Variants in SH3GL3 observed in about 807,000 individuals in gnomAD.
SH3GL3 encodes endophilin-A3.
In SH3GL3, 33 loss-of-function variants were observed where a neutral mutation model predicts 47.7. The observed-to-expected ratio is 0.69, with a 90% CI of 0.52 to 0.92. The LOEUF is 0.92. Among genes scored for constraint, SH3GL3 ranks in the 40% least tolerant of loss-of-function variants. The probability of loss-of-function intolerance (pLI) is 0.00; values close to 1 mark genes in which losing one functional copy is unlikely to be tolerated. For synonymous variants in SH3GL3, 155 were observed against 148.8 expected (o/e 1.04, Z -0.30); for missense variants, 363 against 417.8 (o/e 0.87, Z 1.14).
chr15:83,462,633 C>G (rs1478327312), intron 1 of SH3GL3, among the ~76,000 whole-genome samples: 3 of 152,214 alleles, frequency 2.0e-5, no homozygotes, highest in Non-Finnish European at 4.4e-5. Context: ...TTGTCATACT[C>G]CTGTTGTTTT....
At chr15:83,564,755 A>G (rs900481716) in intron 2 of SH3GL3, among the ~76,000 whole-genome samples, 1 of 152,218 alleles carries the variant, frequency 6.6e-6, no homozygotes, top group African/African-American at 2.4e-5. Flanking sequence ...TTATATAAGT[A>G]TAGAAATTCA....
intron 1 of SH3GL3, among the ~76,000 whole-genome samples, chr15:83,479,878 A>G (rs1363149014): frequency 1.3e-5 from 2 of 152,220 alleles, no homozygotes; most frequent in Non-Finnish European, 2.9e-5. Flanking sequence ...TAAAATGAAG[A>G]TAATAATAAT....
In SH3GL3 at chr15:83,588,108, C is replaced by CTTTTG. The variant is rs199974305; in HGVS notation, c.729-533_729-529dup. 4.8e-3 allele frequency among the ~76,000 whole-genome samples: 732 copies of CTTTTG among 152,178 alleles called. 4 individuals carry two copies. The highest frequency in any genetic ancestry group is 6.9e-3 in the Non-Finnish European group (470 of 68,006). ...CAGAGACTTGATGAAGAAAATTAGT[C>CTTTTG]TTTTGTTTTGTTTTGTTTTGTTTTG... On this transcript the variant is annotated intron_variant, in intron 7 of 8. Transcript: ENST00000427482.
At chr15:83,621,574 C>T (rs117506921), downstream of SH3GL3, among the ~76,000 whole-genome samples, 1,282 of 152,052 alleles carry the variant, frequency 8.4e-3, 18 homozygotes, top group Non-Finnish European at 0.011. Context: ...TTAACATAAC[C>T]GATATGATAA....
chr15:83,541,397 G>C (rs1046381593), intron 1 of SH3GL3, among the ~76,000 whole-genome samples: 1 of 131,752 alleles, frequency 7.6e-6, no homozygotes, highest in Non-Finnish European at 1.5e-5. Flanking sequence ...GCAGTGGCGC[G>C]ATCTCGGCTC....
chr15:83,548,929 T>C (rs1596234940), intron 1 of SH3GL3, among the ~76,000 whole-genome samples: 1 of 152,188 alleles, frequency 6.6e-6, no homozygotes, highest in East Asian at 1.9e-4. Context: ...CCATGTCTGA[T>C]GTGCTTATAG....
chr15:83,567,809 A>C (rs1403553474), intron 3 of SH3GL3, among the ~76,000 whole-genome samples: 2 of 152,160 alleles, frequency 1.3e-5, no homozygotes, highest in Non-Finnish European at 2.9e-5. Flanking sequence ...TAAACAAACA[A>C]ACAAAAAGCA....
intron 1 of SH3GL3, among the ~76,000 whole-genome samples, chr15:83,507,423 A>AT (rs879316826): frequency 0.013 from 1,919 of 144,610 alleles, 15 homozygotes; most frequent in Non-Finnish European, 0.015. Context: ...TATTATTATT[A>AT]TTTTTTTTTT....
intron 1 of SH3GL3, among the ~76,000 whole-genome samples, chr15:83,505,010 G>T (rs917655203): frequency 1.7e-4 from 26 of 151,934 alleles, no homozygotes; most frequent in Non-Finnish European, 3.8e-4. Context: ...TTAAAATTGG[G>T]TCTTATCTCG....
intron 1 of SH3GL3, among the ~76,000 whole-genome samples, chr15:83,484,779 G>T (rs75102454): frequency 0.019 from 2,824 of 152,162 alleles, 74 homozygotes; most frequent in African/African-American, 0.061. Context: ...TGAGTTCTTA[G>T]GTTTTCCAGC....
chr15:83,469,541 T>C (rs1221261981), intron 1 of SH3GL3, among the ~76,000 whole-genome samples: 4 of 152,216 alleles, frequency 2.6e-5, no homozygotes, highest in Admixed American at 2.6e-4. Context: ...TTCAATTCAA[T>C]GTATTTTTGA....
intron 8 of SH3GL3, among the ~76,000 whole-genome samples, chr15:83,617,684 A>T (rs1337154127): frequency 6.6e-6 from 1 of 152,150 alleles, no homozygotes; most frequent in Non-Finnish European, 1.5e-5. Context: ...TCAAAAATAG[A>T]TAAATAAATA....
the SH3GL3 span, among the ~76,000 whole-genome samples, chr15:83,627,834 T>C: frequency 6.6e-6 from 1 of 152,208 alleles, no homozygotes; most frequent in African/African-American, 2.4e-5. Context: ...ACCCCTCTTT[T>C]TCATCTGAGT....
chr15:83,582,869 G>T (rs2059866118), intron 6 of SH3GL3, among the ~76,000 whole-genome samples: 1 of 152,176 alleles, frequency 6.6e-6, no homozygotes, highest in South Asian at 2.1e-4. Context: ...AAAAGTGTAA[G>T]GGATTATTAT....
At chr15:83,537,535 A>C (rs1895912309) in intron 1 of SH3GL3, among the ~76,000 whole-genome samples, 1 of 152,188 alleles carries the variant, frequency 6.6e-6, no homozygotes, top group South Asian at 2.1e-4. Context: ...AAGGTGCTTT[A>C]ACTAAAGAAT....
chr15:83,579,606 A>G (rs1158456344), intron 6 of SH3GL3, among the ~76,000 whole-genome samples: 1 of 152,256 alleles, frequency 6.6e-6, no homozygotes, highest in East Asian at 1.9e-4. Context: ...AATGATAAAG[A>G]CAGTGGTGAT....
At chr15:83,602,965 A>T (rs2060425194) in intron 8 of SH3GL3, among the ~76,000 whole-genome samples, 1 of 151,930 alleles carries the variant, frequency 6.6e-6, no homozygotes, top group African/African-American at 2.4e-5. Context: ...GTAGACACAG[A>T]TGTCTTCAGG....
At chr15:83,528,058 G>T (rs574112700) in intron 1 of SH3GL3, among the ~76,000 whole-genome samples, 34 of 152,234 alleles carry the variant, frequency 2.2e-4, no homozygotes, top group African/African-American at 7.2e-4. Flanking sequence ...GGATAACTTT[G>T]CTAGGTATAG....
chr15:83,572,500 A>G, intron 4 of SH3GL3, 65 bp from the exon 5 acceptor site: 1 of 1,379,512 alleles, frequency 7.2e-7, no homozygotes, highest in Non-Finnish European at 1.0e-6. Flanking sequence ...GAATGAAATA[A>G]ATAGCACTGT....
Sources: allele counts gnomAD v4.1 joint callset (sites outside exome capture counted in the v4.1 genomes callset), GRCh38; gene constraint gnomAD v4.1.1; transcripts MANE v1.5; gene names NCBI Gene and HGNC (gene_info 2026-07-23, HGNC 2026-07-21).